CA10: variants seen among roughly 807,000 people sequenced by gnomAD.
CA10 encodes the protein carbonic anhydrase-related protein 10.
CA10 carries 14 observed loss-of-function variants against 44.2 expected under a neutral mutation model. That is an observed-to-expected ratio of 0.32 (90% CI 0.21 to 0.50). CA10 has a LOEUF of 0.50. CA10 is among the 20% of genes least tolerant of loss of function. The pLI is 0.99. For synonymous variants in CA10, 159 were observed against 141.6 expected, an observed-to-expected ratio of 1.12 and a Z score of -0.87; for missense variants, 350 against 409.7, an observed-to-expected ratio of 0.85 and a Z score of 1.26.
intron 4 of CA10, among the ~76,000 whole-genome samples, chr17:51,664,925 A>G (rs879106067): frequency 6.6e-6 from 1 of 152,202 alleles, no homozygotes; most frequent in Admixed American, 6.5e-5. Context: ...CAAGGGGTTG[A>G]CGGAGAAGAC....
At position 52,044,769 on chromosome 17, in the gene CA10, C is replaced by CTGT. The variant is rs1598183733; in HGVS notation, c.136+27549_136+27550insACA. On this transcript the variant is annotated intron_variant, in intron 2 of 8. Coordinates refer to ENST00000451037, the MANE Select transcript of CA10 (RefSeq NM_020178.5). ...GAACTAGAAGAAACAGCAACAGAAA[C>CTGT]TATTAAAGTGCAAAGAGAAATAAAG... Among the ~76,000 whole-genome samples the CTGT allele has an allele frequency of 9.5e-4, 3 of 3,152 alleles. No homozygotes were observed. The East Asian group carries it at 0.079, about 83-fold the overall frequency. 2.1% of individuals were successfully genotyped at this position (3,152 alleles called of 152,430 possible). A position where few individuals can be genotyped will look rare whatever the true frequency, so the allele number is the denominator to read the frequency against.
intron 4 of CA10, among the ~76,000 whole-genome samples, chr17:51,679,799 A>C (rs1460512580): frequency 6.6e-6 from 1 of 152,108 alleles, no homozygotes; most frequent in Non-Finnish European, 1.5e-5. Context: ...GATTCAGCAA[A>C]CAGCCTGCAG....
intron 1 of CA10, among the ~76,000 whole-genome samples, chr17:52,073,332 C>T (rs1987735123): frequency 6.6e-6 from 1 of 151,954 alleles, no homozygotes; most frequent in Non-Finnish European, 1.5e-5. Context: ...GGTTTGAATG[C>T]AAGGCTTTGT....
At chr17:52,025,333 C>T (rs748235966) in intron 2 of CA10, among the ~76,000 whole-genome samples, 1 of 151,944 alleles carries the variant, frequency 6.6e-6, no homozygotes, top group Non-Finnish European at 1.5e-5. Context: ...CAAGTAATGT[C>T]AAGGAGAGAA....
chr17:51,748,446 C>T (rs779639570), intron 3 of CA10: 9 of 983,296 alleles, frequency 9.2e-6, no homozygotes, highest in Non-Finnish European at 9.7e-6. Context: ...CTGATTCCAT[C>T]TTGCTCCAGC....
At chr17:51,761,872 T>G (rs1336466938) in intron 3 of CA10, 1 of 152,176 alleles carries the variant, frequency 6.6e-6, no homozygotes, top group African/African-American at 2.4e-5. Flanking sequence ...TTACCACTGA[T>G]GCTATTTACA....
chr17:51,644,878 C>T (rs1264269566), intron 6 of CA10, among the ~76,000 whole-genome samples: 1 of 150,604 alleles, frequency 6.6e-6, no homozygotes, highest in Non-Finnish European at 1.5e-5. Flanking sequence ...AGCTCACTGC[C>T]ACCTCCGCCT....
At chr17:52,087,711 T>G (rs947517312) in intron 1 of CA10, among the ~76,000 whole-genome samples, 6 of 152,226 alleles carry the variant, frequency 3.9e-5, no homozygotes, top group African/African-American at 1.4e-4. Context: ...TAATTACATT[T>G]AATTTTCTCC....
At chr17:52,088,083 A>T (rs1567729113) in intron 1 of CA10, among the ~76,000 whole-genome samples, 1 of 152,104 alleles carries the variant, frequency 6.6e-6, no homozygotes, top group South Asian at 2.1e-4. Flanking sequence ...TGGAGGATGG[A>T]GGGTGGGGAA....
At chr17:52,025,603 C>CTAAGTTTGGTT (rs1344026694) in intron 2 of CA10, among the ~76,000 whole-genome samples, 19 of 151,976 alleles carry the variant, frequency 1.3e-4, no homozygotes, top group Non-Finnish European at 2.8e-4. Context: ...AAAAAAAAAT[C>CTAAGTTTGGTT]TAAGTGCCAC....
chr17:51,935,315 A>G (rs1235046021), intron 2 of CA10, among the ~76,000 whole-genome samples: 1 of 152,160 alleles, frequency 6.6e-6, no homozygotes, highest in Non-Finnish European at 1.5e-5. Flanking sequence ...TAAAGCATCC[A>G]TTATTATGGC....
chr17:51,639,126 A>C (rs1348492513), intron 6 of CA10, among the ~76,000 whole-genome samples: 1 of 152,174 alleles, frequency 6.6e-6, no homozygotes, highest in Non-Finnish European at 1.5e-5. Flanking sequence ...TCACATTTGC[A>C]CTTAATGAGG....
At chr17:51,840,994 T>G (rs1460896555) in intron 3 of CA10, among the ~76,000 whole-genome samples, 2 of 151,984 alleles carry the variant, frequency 1.3e-5, no homozygotes, top group Non-Finnish European at 2.9e-5. Flanking sequence ...GAAGTAATAT[T>G]CTGGAAGGCT....
chr17:51,749,023 G>A (rs1241023869), intron 3 of CA10, among the ~76,000 whole-genome samples: 8 of 152,178 alleles, frequency 5.3e-5, no homozygotes, highest in Non-Finnish European at 1.2e-4. Context: ...CATGACAAGT[G>A]TCACTTCCAG....
rs55854155 is a variant in CA10, at chr17:51,710,921, CTTTTTTTT to C, written c.465+36704_465+36711del. On this transcript the variant is annotated intron_variant, in intron 4 of 8. Coordinates refer to ENST00000451037, the MANE Select transcript of CA10 (RefSeq NM_020178.5). ...ATGCCAAAGACTGAACAACATTTTGCTTTTTTTTTTTTTTTTTTTTTTTGCTTCACTGA... is the reference window on the plus strand; with the variant it reads ...ATGCCAAAGACTGAACAACATTTTGCTTTTTTTTTTTTTTTGCTTCACTGA... 2.8e-3 allele frequency among the ~76,000 whole-genome samples: 239 copies of C among 84,490 alleles called. 2 individuals carry two copies. The highest frequency in any genetic ancestry group is 0.011 in the Middle Eastern group (1 of 88). The allele number at this position is 84,490 out of a possible 152,430, so 55.4% of individuals were successfully genotyped here.
intron 3 of CA10, among the ~76,000 whole-genome samples, chr17:51,881,242 G>GAAAAA (rs11423498): frequency 1.6e-5 from 2 of 123,666 alleles, no homozygotes; most frequent in Non-Finnish European, 3.2e-5. Context: ...TCCGTCTCAA[G>GAAAAA]AAAAAAAAAA....
At chr17:51,679,698 G>A (rs752329557) in intron 4 of CA10, among the ~76,000 whole-genome samples, 4 of 151,896 alleles carry the variant, frequency 2.6e-5, no homozygotes, top group Admixed American at 1.3e-4. Flanking sequence ...TGGAGACTCC[G>A]TATTTCTAAG....
intron 2 of CA10, among the ~76,000 whole-genome samples, chr17:52,066,494 T>C (rs1987540041): frequency 1.3e-5 from 2 of 152,204 alleles, no homozygotes; most frequent in African/African-American, 2.4e-5. Context: ...ACTGTTCTTG[T>C]AGTGAATGAG....
At position 52,157,949 on chromosome 17, in the gene CA10, A is replaced by C; in HGVS notation, c.-163T>G. 2 of 671,320 alleles carry C rather than the reference A, an allele frequency of 3.0e-6. No individual in the cohort carries two copies. Among genetic ancestry groups the C allele is most frequent in the African/African-American group, 1.8e-5 (1 of 56,030 alleles). The allele number at this position is 671,320 out of a possible 1,614,324, so 41.6% of individuals were successfully genotyped here. A position where few individuals can be genotyped will look rare whatever the true frequency, so the allele number is the denominator to read the frequency against. ...AGGGACAGTCACCCCCAAGATCAAT[A>C]TCGCAGTTTGAATTGTTCCGGCAAA... On this transcript the variant is annotated 5_prime_UTR_variant, in exon 1 of 9. Transcript: ENST00000451037.
Sources: gnomAD v4.1 joint callset for allele counts (sites outside exome capture counted in the v4.1 genomes callset) on GRCh38, gnomAD v4.1.1 for gene constraint, MANE v1.5 for transcripts, NCBI Gene and HGNC (gene_info 2026-07-23, HGNC 2026-07-21) for gene names.